ZNF407: variants seen among roughly 807,000 people sequenced by gnomAD.
ZNF407 encodes the protein zinc finger protein 407.
Under a neutral mutation model 131.2 loss-of-function variants are expected in ZNF407, and 17 were observed. That is an observed-to-expected ratio of 0.13 (90% CI 0.09 to 0.19). The LOEUF (loss-of-function observed/expected upper bound fraction) is 0.19, where lower values mean the gene tolerates loss of function less well. Ranked by LOEUF, ZNF407 falls within the 10% of genes least tolerant of loss-of-function variation. The pLI, the probability that ZNF407 is intolerant of heterozygous loss-of-function variation, is 1.00. For synonymous variants in ZNF407, 1,156 were observed against 1,062.0 expected (o/e 1.09, Z -1.72); for missense variants, 2,681 against 2,830.6 (o/e 0.95, Z 1.20).
At chr18:74,901,725 A>G (rs78670307) in intron 7 of ZNF407, among the ~76,000 whole-genome samples, 3,458 of 152,310 alleles carry the variant, frequency 0.023, 121 homozygotes, top group African/African-American at 0.078. Context: ...CCTTTGAACA[A>G]TGATGTTATT....
chr18:74,767,258 A>G (rs565404750), intron 3 of ZNF407, among the ~76,000 whole-genome samples: 1 of 152,286 alleles, frequency 6.6e-6, no homozygotes, highest in South Asian at 2.1e-4. Context: ...TCTTATTTTA[A>G]TAGATTCACT....
chr18:74,775,763 C>T (rs557391213), intron 3 of ZNF407, among the ~76,000 whole-genome samples: 6 of 152,302 alleles, frequency 3.9e-5, no homozygotes, highest in African/African-American at 9.6e-5. Context: ...GAGGAAGCAT[C>T]GTCCTGGCAG....
chr18:74,836,943 G>C (rs940260905), intron 4 of ZNF407, among the ~76,000 whole-genome samples: 2 of 152,178 alleles, frequency 1.3e-5, no homozygotes, highest in African/African-American at 4.8e-5. Context: ...TCGAAGATCA[G>C]TGATGAGGCC....
chr18:74,696,669 C>T (rs552412980), intron 3 of ZNF407, among the ~76,000 whole-genome samples: 1 of 152,208 alleles, frequency 6.6e-6, no homozygotes, highest in East Asian at 1.9e-4. Context: ...GACAAATACA[C>T]ATACACATGA....
chr18:75,037,805 C>T (rs746482329), intron 8 of ZNF407, among the ~76,000 whole-genome samples: 1 of 152,144 alleles, frequency 6.6e-6, no homozygotes, highest in East Asian at 1.9e-4. Context: ...CCTTGCATGA[C>T]AGTTTGGCTC....
chr18:74,744,686 G>A (rs749618989), intron 3 of ZNF407, among the ~76,000 whole-genome samples: 2 of 151,878 alleles, frequency 1.3e-5, no homozygotes, highest in Non-Finnish European at 2.9e-5. Context: ...GTTTTCAACA[G>A]TCACAAAAAA....
At chr18:74,828,769 C>A (rs1970443915) in intron 4 of ZNF407, among the ~76,000 whole-genome samples, 1 of 130,078 alleles carries the variant, frequency 7.7e-6, no homozygotes, top group African/African-American at 2.5e-5. Flanking sequence ...GTGATACTTA[C>A]TAGTGGGTTA....
intron 3 of ZNF407, among the ~76,000 whole-genome samples, chr18:74,721,157 T>G (rs934728594): frequency 1.1e-4 from 17 of 152,198 alleles, no homozygotes; most frequent in African/African-American, 4.1e-4. Flanking sequence ...TGTATCCTCT[T>G]CCCTTTCTTT....
chr18:74,630,898 C>G, intron 1 of ZNF407, 69 bp from the exon 2 acceptor site: 1 of 1,203,166 alleles, frequency 8.3e-7, no homozygotes, highest in South Asian at 1.7e-5. Flanking sequence ...GATACTTTTT[C>G]ATCTAGTTTT....
chr18:74,853,635 C>T (rs540249239), intron 4 of ZNF407, among the ~76,000 whole-genome samples: 13 of 152,308 alleles, frequency 8.5e-5, no homozygotes, highest in Admixed American at 8.5e-4. Context: ...AAAGAGTCTG[C>T]AGCGCTACCT....
chr18:74,828,369 C>T (rs760689988), intron 4 of ZNF407, among the ~76,000 whole-genome samples: 46 of 152,178 alleles, frequency 3.0e-4, no homozygotes, highest in Non-Finnish European at 5.7e-4. Context: ...TTCTCATGTT[C>T]TCAGCCAAGT....
chr18:74,711,416 C>T (rs145393064), intron 3 of ZNF407, among the ~76,000 whole-genome samples: 18 of 152,204 alleles, frequency 1.2e-4, no homozygotes, highest in Middle Eastern at 3.4e-3. Context: ...GAAGAGGCTC[C>T]GTAAGAGAAG....
At chr18:74,823,828 T>G (rs1375405891) in intron 4 of ZNF407, among the ~76,000 whole-genome samples, 1 of 152,078 alleles carries the variant, frequency 6.6e-6, no homozygotes, top group Non-Finnish European at 1.5e-5. Flanking sequence ...ACAAAGTTAT[T>G]CAGGATTTGA....
At chr18:74,654,702 TGATATAACAA>T in intron 3 of ZNF407, among the ~76,000 whole-genome samples, 1 of 151,826 alleles carries the variant, frequency 6.6e-6, no homozygotes, top group Non-Finnish European at 1.5e-5. Context: ...ATCATGAGGC[TGATATAACAA>T]ATTAAATTTA....
intron 1 of ZNF407, among the ~76,000 whole-genome samples, chr18:74,628,684 C>T (rs1983909988): frequency 6.6e-6 from 1 of 152,160 alleles, no homozygotes; most frequent in Admixed American, 6.5e-5. Context: ...CTCCTGGACT[C>T]AAGCAATCCT....
At chr18:74,777,814 G>A (rs748896481) in intron 3 of ZNF407, among the ~76,000 whole-genome samples, 2 of 151,862 alleles carry the variant, frequency 1.3e-5, no homozygotes, top group Admixed American at 6.6e-5. Context: ...AGGTGTGGTG[G>A]CTCACACCTG....
At chr18:74,622,962 C>T (rs1017965952) in intron 1 of ZNF407, among the ~76,000 whole-genome samples, 4 of 151,712 alleles carry the variant, frequency 2.6e-5, no homozygotes, top group Non-Finnish European at 4.4e-5. Flanking sequence ...GTCAGTGTAT[C>T]TGAGTGCGTG....
intron 4 of ZNF407, among the ~76,000 whole-genome samples, chr18:74,794,662 C>T (rs1378695771): frequency 2.0e-5 from 3 of 152,022 alleles, no homozygotes; most frequent in African/African-American, 4.8e-5. Flanking sequence ...ACTAGGTTTT[C>T]AAATTTTTGG....
chr18:74,598,068 T>A (rs1982372499), intron 1 of ZNF407, 131 bp downstream of exon 1: 1 of 151,964 alleles, frequency 6.6e-6, no homozygotes, highest in South Asian at 2.1e-4. Flanking sequence ...TCTGGGCCCT[T>A]CGCTCTTTCT....
Sources: gnomAD v4.1 joint callset for allele counts (sites outside exome capture counted in the v4.1 genomes callset) on GRCh38, gnomAD v4.1.1 for gene constraint, MANE v1.5 for transcripts, NCBI Gene and HGNC (gene_info 2026-07-23, HGNC 2026-07-21) for gene names.